The following KCNH1 variants were observed in gnomAD, a reference collection of about 807,000 sequenced individuals.
The protein encoded by KCNH1 is voltage-gated delayed rectifier potassium channel KCNH1.
Under a neutral mutation model 69.2 loss-of-function variants are expected in KCNH1, and 27 were observed. The observed-to-expected ratio is 0.39, with a 90% confidence interval of 0.29 to 0.54. KCNH1 has a LOEUF of 0.54. Among genes scored for constraint, KCNH1 ranks in the 20% least tolerant of loss-of-function variants. The pLI is 0.68. For missense variants in KCNH1, 798 were observed against 1,261.6 expected, an observed-to-expected ratio of 0.63 and a Z score of 5.57; for synonymous variants, 456 against 487.7, an observed-to-expected ratio of 0.93 and a Z score of 0.86.
chr1:210,978,098 G>A (rs1688647468), intron 6 of KCNH1, among the ~76,000 whole-genome samples: 1 of 150,454 alleles, frequency 6.6e-6, no homozygotes, highest in South Asian at 2.1e-4. Flanking sequence ...GAGTACAGTG[G>A]TGCGATCTCG....
At chr1:210,727,052 T>C (rs1029245613) in intron 10 of KCNH1, among the ~76,000 whole-genome samples, 2 of 152,188 alleles carry the variant, frequency 1.3e-5, no homozygotes, top group Non-Finnish European at 2.9e-5. Flanking sequence ...TTGCTAATGA[T>C]GATGAATGAT....
rs529233223 is a variant in KCNH1, at chr1:211,126,442, G to A, written c.79+7425C>T. Among the ~76,000 whole-genome samples the A allele has an allele frequency of 6.4e-4, 97 of 150,940 alleles. 3 individuals carry two copies. In the South Asian group the frequency reaches 0.018, roughly 29 times the overall value. ...GGAGAATGGCCTGAACCCGGGAGGC[G>A]AAGCTTGCAGTGAGCCGAGATTGCG... On this transcript the variant is annotated intron_variant, in intron 1 of 10. Transcript: ENST00000271751.
chr1:210,895,274 T>G lies in KCNH1; in HGVS notation c.1462+24366A>C, dbSNP rs192705368. Among the ~76,000 whole-genome samples, 7 of 152,270 alleles carry G rather than the reference T, an allele frequency of 4.6e-5. No homozygotes were observed. In the East Asian group the frequency reaches 1.4e-3, roughly 29 times the overall value. ...TTATGCATCTCTCTTTCTACTAGAC[T>G]CTGAGCTCCTTAACAGTAAGGTCTG... On this transcript the variant is annotated intron_variant, in intron 7 of 10. Transcript: ENST00000271751.
intron 6 of KCNH1, among the ~76,000 whole-genome samples, chr1:211,003,541 C>T (rs1276047126): frequency 1.3e-5 from 2 of 152,032 alleles, no homozygotes; most frequent in African/African-American, 2.4e-5. Context: ...CCTGCTGTTT[C>T]GTTATATCTT....
intron 7 of KCNH1, among the ~76,000 whole-genome samples, chr1:210,892,842 T>C (rs1299126606): frequency 1.3e-5 from 2 of 152,190 alleles, no homozygotes; most frequent in Admixed American, 6.5e-5. Context: ...AATAAGCATT[T>C]GTTGATCATT....
rs147778651 is a variant in KCNH1 at position 211,018,933 on chromosome 1, C to T, written c.882G>A (p.Thr294=). Residue 294 remains threonine, a synonymous_variant, in exon 6 of 11, where the codon ACG becomes ACA. Transcript: ENST00000271751. The part of the protein sequence containing the change: ...PKLIRMNYLK[T]WFVIDLLSCL... ...AGGACAGAAGGTCAATCACAAACCA[C>T]GTCTTCAGGTAGTTCATGCGGATAA... 157 of 1,613,954 alleles carry T rather than the reference C, an allele frequency of 9.7e-5. No homozygotes were observed. The highest frequency in any genetic ancestry group is 1.0e-4 in the Non-Finnish European group (122 of 1,179,978).
chr1:210,705,027 C>T (rs987929560), intron 10 of KCNH1, among the ~76,000 whole-genome samples: 22 of 152,002 alleles, frequency 1.4e-4, no homozygotes, highest in African/African-American at 5.3e-4. Context: ...TTTTCCAGGG[C>T]AGGAAATGGG....
Position 211,026,064 on chromosome 1 carries a change from C to T in KCNH1, c.559-6808G>A, listed in dbSNP as rs951368222. On this transcript the variant is annotated intron_variant, in intron 5 of 10. Coordinates refer to ENST00000271751, the MANE Select transcript of KCNH1 (RefSeq NM_172362.3). ...TCATTCCTTTGACTCTGCTGGACTTCGTTACTCCCACGACCTGGTATTGGG... is the reference window on the plus strand; with the variant it reads ...TCATTCCTTTGACTCTGCTGGACTTTGTTACTCCCACGACCTGGTATTGGG... 6.1e-4 allele frequency among the ~76,000 whole-genome samples: 93 copies of T among 152,212 alleles called. 1 individual carries two copies. The highest frequency in any genetic ancestry group is 2.5e-4 in the Non-Finnish European group (17 of 68,008).
At chr1:210,802,177 G>A (rs1335053430) in intron 8 of KCNH1, among the ~76,000 whole-genome samples, 1 of 152,212 alleles carries the variant, frequency 6.6e-6, no homozygotes, top group African/African-American at 2.4e-5. Flanking sequence ...TGGTAGCTGA[G>A]GTTGTAGTAG....
intron 10 of KCNH1, among the ~76,000 whole-genome samples, chr1:210,749,831 C>T (rs1683243190): frequency 6.6e-6 from 1 of 151,704 alleles, no homozygotes; most frequent in Admixed American, 6.6e-5. Flanking sequence ...CGGCCTCCTC[C>T]TCCCAGGTTC....
intron 7 of KCNH1, among the ~76,000 whole-genome samples, chr1:210,898,678 C>CA (rs1553357235): frequency 1.5e-5 from 2 of 135,840 alleles, no homozygotes; most frequent in African/African-American, 2.7e-5. Flanking sequence ...GCAGGCGTGG[C>CA]GGCGGGGGGG....
chr1:211,126,989 G>T (rs1456949631), intron 1 of KCNH1, among the ~76,000 whole-genome samples: 1 of 152,188 alleles, frequency 6.6e-6, no homozygotes, highest in Non-Finnish European at 1.5e-5. Context: ...ATAATTTTGG[G>T]TGAGGTGTTT....
chr1:210,838,105 A>G (rs1685325693), intron 7 of KCNH1, among the ~76,000 whole-genome samples: 1 of 152,198 alleles, frequency 6.6e-6, no homozygotes, highest in Non-Finnish European at 1.5e-5. Context: ...CTACAGGGCT[A>G]CAGTAACCAA....
intron 7 of KCNH1, among the ~76,000 whole-genome samples, chr1:210,914,445 C>T (rs781128176): frequency 3.3e-5 from 5 of 151,878 alleles, no homozygotes; most frequent in South Asian, 2.1e-4. Flanking sequence ...ATGAAGGAGG[C>T]GGGGAAAAGC....
chr1:211,050,713 G>A (rs12759268), intron 5 of KCNH1, among the ~76,000 whole-genome samples: 38,555 of 151,930 alleles, frequency 0.25, 5,233 homozygotes, highest in South Asian at 0.31. Flanking sequence ...GGTGAGGCTG[G>A]GTCACAGAAA....
chr1:210,831,472 T>C (rs887642827), intron 7 of KCNH1, among the ~76,000 whole-genome samples: 1 of 152,212 alleles, frequency 6.6e-6, no homozygotes, highest in Non-Finnish European at 1.5e-5. Context: ...GAGATTAGCC[T>C]CTGCCAGGTC....
At chr1:210,859,305 C>T in intron 7 of KCNH1, 5 of 1,542,692 alleles carry the variant, frequency 3.2e-6, no homozygotes, top group Admixed American at 1.7e-5. Flanking sequence ...GCCAGAGTTA[C>T]TGTGTCTGTA....
At chr1:211,018,170 T>C (rs1276506953) in intron 6 of KCNH1, among the ~76,000 whole-genome samples, 2 of 152,178 alleles carry the variant, frequency 1.3e-5, no homozygotes, top group East Asian at 1.9e-4. Flanking sequence ...CTTTGTAAGT[T>C]ACCCTGCCTC....
At chr1:210,727,311 C>T (rs148950205) in intron 10 of KCNH1, among the ~76,000 whole-genome samples, 25 of 152,300 alleles carry the variant, frequency 1.6e-4, no homozygotes, top group African/African-American at 5.8e-4. Context: ...CTAATGTGCT[C>T]ATAGAGGCTT....
Sources: allele counts gnomAD v4.1 joint callset (sites outside exome capture counted in the v4.1 genomes callset), GRCh38; gene constraint gnomAD v4.1.1; transcripts MANE v1.5; gene names NCBI Gene and HGNC (gene_info 2026-07-23, HGNC 2026-07-21).